The following CDK14 variants were observed in gnomAD, a reference collection of about 807,000 sequenced individuals.
CDK14 encodes the protein cyclin dependent kinase 14.
A neutral mutation model predicts 60.7 loss-of-function variants in CDK14; 34 were observed. The observed-to-expected ratio is 0.56, with a 90% CI of 0.43 to 0.75. The LOEUF (loss-of-function observed/expected upper bound fraction) is 0.75, where lower values mean the gene tolerates loss of function less well. CDK14 is among the 30% of genes least tolerant of loss of function. The pLI is 0.00. For missense variants in CDK14, 482 were observed against 564.1 expected, an observed-to-expected ratio of 0.85 and a Z score of 1.47; for synonymous variants, 197 against 203.7, an observed-to-expected ratio of 0.97 and a Z score of 0.28.
intron 3 of CDK14, among the ~76,000 whole-genome samples, chr7:90,732,523 T>C (rs983051658): frequency 2.0e-5 from 3 of 152,182 alleles, no homozygotes; most frequent in African/African-American, 7.2e-5. Flanking sequence ...TCAGAACTTG[T>C]TACTGGTCTA....
At chr7:91,015,002 A>T (rs1208802287) in intron 10 of CDK14, among the ~76,000 whole-genome samples, 1 of 152,198 alleles carries the variant, frequency 6.6e-6, no homozygotes, top group African/African-American at 2.4e-5. Flanking sequence ...TTTCCTTATT[A>T]GCATACTTAG....
chr7:91,123,963 C>T (rs2116399898), intron 14 of CDK14, among the ~76,000 whole-genome samples: 1 of 152,088 alleles, frequency 6.6e-6, no homozygotes, highest in South Asian at 2.1e-4. Context: ...CGCTCTGTTG[C>T]TCAGGCTGAA....
At chr7:91,109,344 A>G (rs529155748) in intron 12 of CDK14, among the ~76,000 whole-genome samples, 1 of 152,158 alleles carries the variant, frequency 6.6e-6, no homozygotes, top group African/African-American at 2.4e-5. Context: ...TGTGGGACAA[A>G]TAATTTGTCA....
chr7:90,949,497 C>T (rs370412414), intron 8 of CDK14, among the ~76,000 whole-genome samples: 3 of 152,036 alleles, frequency 2.0e-5, no homozygotes, highest in East Asian at 1.9e-4. Context: ...CCACTGCGCC[C>T]GGCCAAATGA....
At chr7:90,994,390 A>T (rs377285652) in intron 10 of CDK14, among the ~76,000 whole-genome samples, 11 of 152,160 alleles carry the variant, frequency 7.2e-5, no homozygotes, top group South Asian at 4.1e-4. Context: ...GGTTTCTCTT[A>T]ATTTAGCTTC....
intron 9 of CDK14, among the ~76,000 whole-genome samples, chr7:90,958,838 T>C (rs1446040628): frequency 6.6e-6 from 1 of 152,150 alleles, no homozygotes; most frequent in East Asian, 1.9e-4. Flanking sequence ...ATCTGTGGCT[T>C]GGAGCCAGTT....
intron 12 of CDK14, among the ~76,000 whole-genome samples, chr7:91,105,932 A>G (rs1156931202): frequency 6.6e-6 from 1 of 152,240 alleles, no homozygotes; most frequent in Non-Finnish European, 1.5e-5. Flanking sequence ...AATTGATTAA[A>G]TAATTCATTG....
At chr7:90,619,851 G>A (rs891976853) in intron 2 of CDK14, among the ~76,000 whole-genome samples, 1 of 152,158 alleles carries the variant, frequency 6.6e-6, no homozygotes, top group African/African-American at 2.4e-5. Flanking sequence ...ACAAAAGTTA[G>A]CTGGTGTGGT....
intron 5 of CDK14, among the ~76,000 whole-genome samples, chr7:90,810,458 G>A (rs928991482): frequency 6.6e-6 from 1 of 152,300 alleles, no homozygotes; most frequent in Non-Finnish European, 1.5e-5. Context: ...ATTAGGTATT[G>A]ATGGGAGGTA....
chr7:90,718,421 G>T (rs925387962), intron 2 of CDK14, among the ~76,000 whole-genome samples: 69 of 152,206 alleles, frequency 4.5e-4, no homozygotes, highest in African/African-American at 1.6e-3. Flanking sequence ...TTTACCAGCT[G>T]CAAACTGCTG....
chr7:90,613,907 A>G (rs1799595649), intron 2 of CDK14, among the ~76,000 whole-genome samples: 1 of 151,986 alleles, frequency 6.6e-6, no homozygotes, highest in Non-Finnish European at 1.5e-5. Context: ...CATAGCAATC[A>G]TTGAAATCAG....
At chr7:91,103,556 A>T (rs1271856155) in intron 12 of CDK14, among the ~76,000 whole-genome samples, 1 of 152,184 alleles carries the variant, frequency 6.6e-6, no homozygotes, top group African/African-American at 2.4e-5. Flanking sequence ...AAATTCTGGT[A>T]GGTCAGCCCT....
intron 11 of CDK14, among the ~76,000 whole-genome samples, chr7:91,064,987 C>A (rs935316592): frequency 6.6e-6 from 1 of 150,954 alleles, no homozygotes; most frequent in African/African-American, 2.4e-5. Context: ...GGTTTGGCGA[C>A]CTCATCTGGG....
At chr7:90,675,117 G>A (rs1219027690) in intron 2 of CDK14, among the ~76,000 whole-genome samples, 1 of 152,136 alleles carries the variant, frequency 6.6e-6, no homozygotes, top group Non-Finnish European at 1.5e-5. Context: ...TTAGGGTTGG[G>A]AATGGTTTTG....
chr7:90,741,738 C>T (rs773006712), intron 3 of CDK14, among the ~76,000 whole-genome samples: 41 of 152,014 alleles, frequency 2.7e-4, no homozygotes, highest in Non-Finnish European at 5.0e-4. Flanking sequence ...TAGGTGGTTT[C>T]CTGGCTTGTT....
intron 2 of CDK14, among the ~76,000 whole-genome samples, chr7:90,668,422 A>G (rs768296394): frequency 3.3e-5 from 5 of 152,184 alleles, no homozygotes; most frequent in African/African-American, 4.8e-5. Flanking sequence ...TTAGTCCCAT[A>G]TCAGATAAAT....
intron 14 of CDK14, among the ~76,000 whole-genome samples, chr7:91,119,565 C>G (rs1249924146): frequency 6.6e-6 from 1 of 152,184 alleles, no homozygotes; most frequent in Non-Finnish European, 1.5e-5. Flanking sequence ...CTTCCTTCCT[C>G]CCTCTCTTAG....
chr7:90,850,981 A>G (rs951436512), intron 5 of CDK14, among the ~76,000 whole-genome samples: 2 of 152,150 alleles, frequency 1.3e-5, no homozygotes, highest in African/African-American at 4.8e-5. Flanking sequence ...TCTTAGCTTC[A>G]GGTTTTTCTG....
At chr7:90,976,293 A>G (rs756881963) in intron 9 of CDK14, among the ~76,000 whole-genome samples, 1 of 151,794 alleles carries the variant, frequency 6.6e-6, no homozygotes, top group Non-Finnish European at 1.5e-5. Context: ...GCACTTTTTC[A>G]TGTTTCTTGG....
Sources: gnomAD v4.1 joint callset for allele counts (sites outside exome capture counted in the v4.1 genomes callset) on GRCh38, gnomAD v4.1.1 for gene constraint, MANE v1.5 for transcripts, NCBI Gene and HGNC (gene_info 2026-07-23, HGNC 2026-07-21) for gene names.